AGFG1: variants seen among roughly 807,000 people sequenced by gnomAD.
The protein encoded by AGFG1 is ArfGAP with FG repeats 1.
Under a neutral mutation model 60.6 loss-of-function variants are expected in AGFG1, and 10 were observed. The ratio of observed to expected loss-of-function variants is 0.16; its 90% confidence interval spans 0.10 to 0.28. The LOEUF (loss-of-function observed/expected upper bound fraction) is 0.28. AGFG1 is among the 10% of genes least tolerant of loss of function. The pLI, the probability that AGFG1 is intolerant of heterozygous loss-of-function variation, is 1.00. For synonymous variants in AGFG1, 247 were observed against 242.9 expected (o/e 1.02, Z -0.16); for missense variants, 537 against 676.5 (o/e 0.79, Z 2.29).
intron 4 of AGFG1, 46 bp downstream of exon 4, chr2:227,523,971 C>G (rs1183787766): frequency 6.5e-7 from 1 of 1,531,190 alleles, no homozygotes; most frequent in Admixed American, 1.8e-5. Flanking sequence ...TTAAAGAGGG[C>G]TTGAGTATCA....
chr2:227,479,828 G>A (rs1690402717), intron 1 of AGFG1, among the ~76,000 whole-genome samples: 1 of 152,144 alleles, frequency 6.6e-6, no homozygotes, highest in South Asian at 2.1e-4. Flanking sequence ...CCTTACACAC[G>A]AGAACTATTG....
chr2:227,500,731 A>G (rs1413368833), intron 2 of AGFG1, among the ~76,000 whole-genome samples: 5 of 152,202 alleles, frequency 3.3e-5, no homozygotes, highest in African/African-American at 1.2e-4. Context: ...ACATTAGTTC[A>G]CATTACTTGT....
intron 2 of AGFG1, among the ~76,000 whole-genome samples, chr2:227,500,595 A>G (rs539741591): frequency 6.6e-6 from 1 of 152,278 alleles, no homozygotes; most frequent in African/African-American, 2.4e-5. Context: ...CAACATTATT[A>G]TGGAAAATTC....
At chr2:227,478,011 T>C (rs1426719267) in intron 1 of AGFG1, among the ~76,000 whole-genome samples, 3 of 152,130 alleles carry the variant, frequency 2.0e-5, no homozygotes, top group Non-Finnish European at 4.4e-5. Context: ...TGTGTGTTCT[T>C]ATTTTTGAGT....
intron 2 of AGFG1, among the ~76,000 whole-genome samples, chr2:227,495,450 G>C (rs896315058): frequency 4.0e-5 from 6 of 151,732 alleles, no homozygotes; most frequent in Admixed American, 2.0e-4. Context: ...GGAGGCTGAG[G>C]TGGGAGCATT....
intron 10 of AGFG1, among the ~76,000 whole-genome samples, chr2:227,548,130 A>T (rs1353942467): frequency 3.9e-5 from 6 of 152,164 alleles, no homozygotes; most frequent in Non-Finnish European, 7.4e-5. Flanking sequence ...AAATGTCCAG[A>T]ATTGGAAAGA....
intron 1 of AGFG1, among the ~76,000 whole-genome samples, chr2:227,488,299 C>T (rs1159574392): frequency 6.6e-6 from 1 of 152,188 alleles, no homozygotes; most frequent in Non-Finnish European, 1.5e-5. Context: ...TATATTTACA[C>T]ACTGTACTGC....
At chr2:227,497,520 A>G (rs1281120054) in intron 2 of AGFG1, among the ~76,000 whole-genome samples, 1 of 151,950 alleles carries the variant, frequency 6.6e-6, no homozygotes, top group East Asian at 1.9e-4. Flanking sequence ...TAACACCCCC[A>G]TATGTATTTT....
Position 227,560,436 on chromosome 2 carries a change from C to CCAAT in AGFG1, c.*5941_*5942insCAAT, listed in dbSNP as rs10677131. 4.6e-5 allele frequency: 7 copies of CCAAT among 151,270 alleles called. No homozygotes were observed. The highest frequency in any genetic ancestry group is 1.5e-4 in the African/African-American group (6 of 41,134). The allele number at this position is 151,270 out of a possible 1,614,324, so 9.4% of individuals were successfully genotyped here. A position where few individuals can be genotyped will look rare whatever the true frequency, so the allele number is the denominator to read the frequency against. Reference sequence around the variant, plus strand: ...CATTTAAAGAAGAAAAAAAATCTCTCTGACTATCTGAAGATATATGAAAAA... The same window carrying CCAAT: ...CATTTAAAGAAGAAAAAAAATCTCTCCAATTGACTATCTGAAGATATATGAAAAA... On this transcript the variant is annotated 3_prime_UTR_variant, in exon 13 of 13. Coordinates refer to ENST00000310078, the MANE Select transcript of AGFG1 (RefSeq NM_004504.5).
intron 2 of AGFG1, among the ~76,000 whole-genome samples, chr2:227,493,040 A>T (rs995569237): frequency 1.3e-5 from 2 of 152,164 alleles, no homozygotes; most frequent in Non-Finnish European, 2.9e-5. Flanking sequence ...GTAGGTAAAA[A>T]CAGAGTAGCA....
chr2:227,483,811 GTAAA>G (rs759108238), intron 1 of AGFG1, among the ~76,000 whole-genome samples: 1 of 152,078 alleles, frequency 6.6e-6, no homozygotes, highest in Non-Finnish European at 1.5e-5. Flanking sequence ...TTTCACTTGG[GTAAA>G]TATCTAGGGC....
chr2:227,515,649 G>T (rs1052094370), intron 2 of AGFG1, among the ~76,000 whole-genome samples: 3 of 151,898 alleles, frequency 2.0e-5, no homozygotes, highest in Non-Finnish European at 4.4e-5. Context: ...TACCTAAATA[G>T]CCAGATAAAG....
chr2:227,538,708 T>G (rs545123662), intron 10 of AGFG1, among the ~76,000 whole-genome samples: 2 of 152,230 alleles, frequency 1.3e-5, no homozygotes, highest in South Asian at 4.1e-4. Flanking sequence ...TTTCCTTTCA[T>G]GATTGTACCT....
At chr2:227,530,672 A>C (rs1201123444) in intron 5 of AGFG1, among the ~76,000 whole-genome samples, 1 of 24,862 alleles carries the variant, frequency 4.0e-5, no homozygotes, top group African/African-American at 1.1e-4. Flanking sequence ...TAAGTATTTC[A>C]GTTATTATTC....
At chr2:227,521,152 G>A (rs527363507) in intron 3 of AGFG1, among the ~76,000 whole-genome samples, 11 of 151,868 alleles carry the variant, frequency 7.2e-5, no homozygotes, top group African/African-American at 1.9e-4. Flanking sequence ...TGCAACCCCC[G>A]CCTCCTGGGT....
intron 1 of AGFG1, among the ~76,000 whole-genome samples, chr2:227,482,851 G>A (rs1410370530): frequency 3.9e-5 from 6 of 152,124 alleles, no homozygotes; most frequent in African/African-American, 1.4e-4. Flanking sequence ...AAATCTCCTG[G>A]GGATCTGCAG....
intron 2 of AGFG1, among the ~76,000 whole-genome samples, chr2:227,516,882 T>A (rs1456673775): frequency 6.6e-6 from 1 of 152,212 alleles, no homozygotes; most frequent in African/African-American, 2.4e-5. Flanking sequence ...ACCCTGTCTC[T>A]TGTTTTCTCA....
chr2:227,476,063 G>GT (rs1690273070), intron 1 of AGFG1, among the ~76,000 whole-genome samples: 1 of 152,030 alleles, frequency 6.6e-6, no homozygotes, highest in Middle Eastern at 3.4e-3. Context: ...AATCTTTCTT[G>GT]TTTCTTTTTT....
chr2:227,497,491 G>A (rs115749784), intron 2 of AGFG1, among the ~76,000 whole-genome samples: 3 of 151,870 alleles, frequency 2.0e-5, no homozygotes, highest in Non-Finnish European at 4.4e-5. Flanking sequence ...TCTTTCAGGA[G>A]TTTTTATACC....
Sources: allele counts gnomAD v4.1 joint callset (sites outside exome capture counted in the v4.1 genomes callset), GRCh38; gene constraint gnomAD v4.1.1; transcripts MANE v1.5; gene names NCBI Gene and HGNC (gene_info 2026-07-23, HGNC 2026-07-21).